Variants in STXBP5L observed in about 807,000 individuals in gnomAD.
The protein encoded by STXBP5L is syntaxin binding protein 5L.
A neutral mutation model predicts 144.5 loss-of-function variants in STXBP5L; 65 were observed. That is an observed-to-expected ratio of 0.45 (90% confidence interval 0.37 to 0.55). The LOEUF is 0.55. STXBP5L is among the 20% of genes least tolerant of loss of function. The probability of loss-of-function intolerance (pLI) is 0.00; values close to 1 mark genes in which losing one functional copy is unlikely to be tolerated. For missense variants in STXBP5L, 1,298 were observed against 1,405.5 expected (o/e 0.92, Z 1.22); for synonymous variants, 505 against 469.6 (o/e 1.08, Z -0.97).
At chr3:121,215,987 T>C (rs903428068) in intron 10 of STXBP5L, among the ~76,000 whole-genome samples, 1 of 152,220 alleles carries the variant, frequency 6.6e-6, no homozygotes, top group African/African-American at 2.4e-5. Context: ...CTTTCACTTA[T>C]CAATTTGGCT....
chr3:121,414,807 T>C (rs1176361540), intron 24 of STXBP5L, among the ~76,000 whole-genome samples: 1 of 152,238 alleles, frequency 6.6e-6, no homozygotes, highest in South Asian at 2.1e-4. Context: ...TAAAAAGTTT[T>C]AGCAGATTTG....
intron 24 of STXBP5L, among the ~76,000 whole-genome samples, chr3:121,413,846 C>T (rs1029576801): frequency 6.6e-6 from 1 of 152,112 alleles, no homozygotes; most frequent in African/African-American, 2.4e-5. Flanking sequence ...TTTTTAAAAG[C>T]ATCTTGGACA....
At chr3:120,999,187 G>A (rs918028557) in intron 3 of STXBP5L, among the ~76,000 whole-genome samples, 1 of 152,004 alleles carries the variant, frequency 6.6e-6, no homozygotes, top group Non-Finnish European at 1.5e-5. Context: ...CGAGTAGCTG[G>A]GACTACAGGC....
rs2046319524 is a variant in STXBP5L at position 121,381,381 on chromosome 3, C to T, written c.2436C>T (p.Tyr812=). 5 of 1,611,498 alleles carry T rather than the reference C, an allele frequency of 3.1e-6. No individual in the cohort carries two copies. The highest frequency in any genetic ancestry group is 1.1e-5 in the South Asian group (1 of 90,696). The part of the protein sequence containing the change: ...KDSKEAITAL[Y]FMDSFARKND... ...CTAAAGAAGCAATTACAGCACTATACTTCATGGACTCCTTTGCACGGAAAA... is the reference window on the plus strand; with the variant it reads ...CTAAAGAAGCAATTACAGCACTATATTTCATGGACTCCTTTGCACGGAAAA... Residue 812 remains tyrosine (Y), a synonymous_variant, in exon 22 of 27, where the codon TAC becomes TAT. Coordinates refer to ENST00000471454, the MANE Select transcript of STXBP5L (RefSeq NM_001308330.2).
chr3:120,998,813 C>T (rs1455894481), intron 3 of STXBP5L, among the ~76,000 whole-genome samples: 2 of 152,062 alleles, frequency 1.3e-5, no homozygotes, highest in African/African-American at 4.8e-5. Context: ...CTAACCTGGG[C>T]AGTGGAAGAT....
intron 3 of STXBP5L, among the ~76,000 whole-genome samples, chr3:120,964,306 C>A (rs1034473493): frequency 1.3e-5 from 2 of 151,934 alleles, no homozygotes; most frequent in African/African-American, 4.8e-5. Context: ...TATTTCTTGC[C>A]TTCTGCTAGC....
intron 3 of STXBP5L, among the ~76,000 whole-genome samples, chr3:120,977,219 C>T (rs1227387845): frequency 6.6e-6 from 1 of 152,188 alleles, no homozygotes; most frequent in Non-Finnish European, 1.5e-5. Flanking sequence ...CTTCATGAAT[C>T]TGGGTGCTCC....
At chr3:120,935,065 T>G (rs1005166329) in intron 2 of STXBP5L, among the ~76,000 whole-genome samples, 1 of 151,930 alleles carries the variant, frequency 6.6e-6, no homozygotes, top group Non-Finnish European at 1.5e-5. Flanking sequence ...GCTTTGTTCT[T>G]TCTGGTTTTT....
intron 5 of STXBP5L, among the ~76,000 whole-genome samples, chr3:121,053,459 T>C (rs975546148): frequency 3.9e-5 from 6 of 152,204 alleles, no homozygotes; most frequent in African/African-American, 1.4e-4. Context: ...CCATCTGATC[T>C]TTGCCAAACC....
chr3:121,203,348 G>A (rs2048211810), intron 9 of STXBP5L, among the ~76,000 whole-genome samples: 1 of 152,082 alleles, frequency 6.6e-6, no homozygotes, highest in Non-Finnish European at 1.5e-5. Flanking sequence ...TGGCCTGTCA[G>A]TAAAACCAGT....
intron 2 of STXBP5L, among the ~76,000 whole-genome samples, chr3:120,941,155 CATAT>C: frequency 6.6e-6 from 1 of 151,668 alleles, no homozygotes; most frequent in South Asian, 2.1e-4. Context: ...ATAAGTTACT[CATAT>C]ATATGAATTT....
chr3:121,289,684 C>A (rs1174846326), intron 19 of STXBP5L, among the ~76,000 whole-genome samples: 6 of 151,962 alleles, frequency 3.9e-5, no homozygotes, highest in Non-Finnish European at 8.8e-5. Context: ...TTTTAAAAGT[C>A]AAAATTATAT....
At chr3:121,315,536 T>C (rs1344601752) in intron 19 of STXBP5L, among the ~76,000 whole-genome samples, 1 of 151,066 alleles carries the variant, frequency 6.6e-6, no homozygotes, top group African/African-American at 2.4e-5. Context: ...TAATGCTAAA[T>C]GACAAGTTAA....
At chr3:121,176,898 C>A (rs1051635828) in intron 9 of STXBP5L, among the ~76,000 whole-genome samples, 1 of 151,582 alleles carries the variant, frequency 6.6e-6, no homozygotes, top group Admixed American at 6.6e-5. Context: ...GAAAGAAGAA[C>A]AAAGCACTAA....
chr3:121,007,150 C>A (rs917816861), intron 3 of STXBP5L, among the ~76,000 whole-genome samples: 1 of 151,936 alleles, frequency 6.6e-6, no homozygotes, highest in African/African-American at 2.4e-5. Flanking sequence ...TGAAATTATA[C>A]TTTTACATTT....
At chr3:121,071,626 G>A (rs978247611) in intron 5 of STXBP5L, among the ~76,000 whole-genome samples, 6 of 152,122 alleles carry the variant, frequency 3.9e-5, no homozygotes, top group Admixed American at 3.9e-4. Flanking sequence ...TCACAATATG[G>A]GGACCATCCC....
chr3:121,055,072 A>G (rs1948352956), intron 5 of STXBP5L, among the ~76,000 whole-genome samples: 1 of 152,222 alleles, frequency 6.6e-6, no homozygotes, highest in Non-Finnish European at 1.5e-5. Flanking sequence ...GCAAGCTGAC[A>G]GATTTGAGAT....
At chr3:121,359,022 T>A (rs1488520494) in intron 20 of STXBP5L, among the ~76,000 whole-genome samples, 1 of 152,164 alleles carries the variant, frequency 6.6e-6, no homozygotes, top group East Asian at 1.9e-4. Flanking sequence ...AGTTTTTAGT[T>A]TGGAGGAACC....
intron 5 of STXBP5L, among the ~76,000 whole-genome samples, chr3:121,102,853 A>C (rs140447374): frequency 6.6e-6 from 1 of 152,118 alleles, no homozygotes; most frequent in East Asian, 1.9e-4. Context: ...ATAATTCAAC[A>C]AGCAAGAAAC....
Sources: gnomAD v4.1 joint callset for allele counts (sites outside exome capture counted in the v4.1 genomes callset) on GRCh38, gnomAD v4.1.1 for gene constraint, MANE v1.5 for transcripts, NCBI Gene and HGNC (gene_info 2026-07-23, HGNC 2026-07-21) for gene names.